Variants in WDR17 observed in about 807,000 individuals in gnomAD.
The protein encoded by WDR17 is WD repeat-containing protein 17.
WDR17 carries 143 observed loss-of-function variants against 161.7 expected under a neutral mutation model. The observed-to-expected ratio is 0.88, with a 90% CI of 0.77 to 1.02. The LOEUF is 1.02. Ranked by LOEUF, WDR17 falls within the 50% of genes least tolerant of loss-of-function variation. WDR17 has a pLI of 0.00. For missense variants in WDR17, 1,469 were observed against 1,520.9 expected (o/e 0.97, Z 0.57); for synonymous variants, 517 against 515.6 (o/e 1.00, Z -0.04).
chr4:176,172,613 T>G (rs1412108842), intron 24 of WDR17, 97 bp downstream of exon 24: 1 of 1,099,908 alleles, frequency 9.1e-7, no homozygotes, highest in Non-Finnish European at 1.3e-6. Flanking sequence ...TGCATTGCTA[T>G]AAAGAAATAC....
chr4:176,176,954 G>A, intron 26 of WDR17, 104 bp from the exon 27 acceptor site: 3 of 744,538 alleles, frequency 4.0e-6, no homozygotes, highest in East Asian at 5.4e-5. Context: ...TATAATGTCT[G>A]TATACAGAAA....
chr4:176,135,019 A>G (rs180934569), intron 7 of WDR17, 89 bp from the exon 8 acceptor site: 31 of 1,318,058 alleles, frequency 2.4e-5, no homozygotes, highest in Non-Finnish European at 2.1e-5. Context: ...AACCGTATAC[A>G]TGTGTCAATT....
At chr4:176,152,049 A>G in intron 17 of WDR17, 82 bp downstream of exon 17, 1 of 1,438,058 alleles carries the variant, frequency 7.0e-7, no homozygotes. Context: ...AAGTATTAAA[A>G]ATAAAAAGCT....
At chr4:176,139,834 A>G (rs1561164533) in intron 9 of WDR17, 58 bp from the exon 10 acceptor site, 14 of 1,370,748 alleles carry the variant, frequency 1.0e-5, no homozygotes, top group East Asian at 2.3e-5. Flanking sequence ...AAGTAAATAT[A>G]TAAGAGAAAA....
At chr4:176,110,884 C>G (rs1186438870) in intron 1 of WDR17, among the ~76,000 whole-genome samples, 3 of 152,196 alleles carry the variant, frequency 2.0e-5, no homozygotes, top group African/African-American at 4.8e-5. Flanking sequence ...ACTACGTTGT[C>G]TGCATCTCTG....
chr4:176,106,726 G>A (rs1212900720), intron 1 of WDR17, among the ~76,000 whole-genome samples: 3 of 152,214 alleles, frequency 2.0e-5, no homozygotes, highest in Non-Finnish European at 4.4e-5. Flanking sequence ...GGCTGAGGCA[G>A]GATGATCACT....
At chr4:176,175,279 A>T (rs1751273595) in intron 26 of WDR17, among the ~76,000 whole-genome samples, 1 of 152,230 alleles carries the variant, frequency 6.6e-6, no homozygotes, top group Non-Finnish European at 1.5e-5. Flanking sequence ...CTACAGCAGA[A>T]AAGGCAGAGT....
intron 12 of WDR17, among the ~76,000 whole-genome samples, chr4:176,146,542 C>T (rs561265280): frequency 1.6e-4 from 25 of 152,262 alleles, no homozygotes; most frequent in Non-Finnish European, 1.6e-4. Flanking sequence ...ACAGATGCTG[C>T]GCTGCAGCCT....
At chr4:176,167,060 A>G (rs923870681) in intron 22 of WDR17, among the ~76,000 whole-genome samples, 2 of 152,160 alleles carry the variant, frequency 1.3e-5, no homozygotes, top group Non-Finnish European at 2.9e-5. Context: ...ATAGTTTGTG[A>G]CGTGTGTGTA....
chr4:176,070,050 T>A (rs1380976134), intron 1 of WDR17, among the ~76,000 whole-genome samples: 2 of 152,200 alleles, frequency 1.3e-5, no homozygotes, highest in Non-Finnish European at 2.9e-5. Flanking sequence ...CTAACACCGT[T>A]ATTCTGTTAA....
chr4:176,108,677 T>C (rs1378528652), intron 1 of WDR17, among the ~76,000 whole-genome samples: 1 of 152,154 alleles, frequency 6.6e-6, no homozygotes, highest in Non-Finnish European at 1.5e-5. Context: ...GGGGAGGCTA[T>C]GAGGGGTATA....
intron 23 of WDR17, among the ~76,000 whole-genome samples, chr4:176,169,791 C>T (rs765670664): frequency 2.0e-5 from 3 of 152,078 alleles, no homozygotes; most frequent in African/African-American, 7.2e-5. Flanking sequence ...TGTTGAGACG[C>T]GGAAAATACT....
At chr4:176,066,483 G>T (rs187040847) in intron 1 of WDR17, among the ~76,000 whole-genome samples, 1 of 152,248 alleles carries the variant, frequency 6.6e-6, no homozygotes, top group African/African-American at 2.4e-5. Flanking sequence ...TATTAGTAGG[G>T]TTGTACTAAG....
In WDR17 at chr4:176,173,369, A is replaced by G; in HGVS notation, c.3347A>G (p.Glu1116Gly). 1 of 1,592,548 alleles carries G rather than the reference A, an allele frequency of 6.3e-7. No individual in the cohort carries two copies. The highest frequency in any genetic ancestry group is 8.6e-7 in the Non-Finnish European group (1 of 1,167,626). ...AAATTACTCTTGCATACGTGTACTGAGTGAGTATTTTTTCTGCAAAATATA... is the reference window on the plus strand; with the variant it reads ...AAATTACTCTTGCATACGTGTACTGGGTGAGTATTTTTTCTGCAAAATATA... Reference protein sequence around the residue: ...TEKLLLHTCTEARNELLILCG... With the variant: ...TEKLLLHTCTGARNELLILCG... The change falls in exon 25 of 29, where the codon GAA (glutamate) becomes GGA (glycine). Residue 1116 changes from glutamate to glycine, a missense_variant and splice_region_variant. Glu to Gly is a moderately conservative substitution (Grantham distance 98, BLOSUM62 -2). Transcript: ENST00000508596.
intron 1 of WDR17, among the ~76,000 whole-genome samples, chr4:176,077,634 G>C (rs1374362335): frequency 6.6e-6 from 1 of 151,704 alleles, no homozygotes; most frequent in Non-Finnish European, 1.5e-5. Flanking sequence ...TCAGTTGTAG[G>C]CAACAGAAAA....
At chr4:176,137,735 A>G (rs1008008712) in intron 9 of WDR17, 124 bp downstream of exon 9, 4 of 501,770 alleles carry the variant, frequency 8.0e-6, no homozygotes, top group East Asian at 4.0e-5. Context: ...TGTTCTCTCA[A>G]TTAGAAGAAA....
At chr4:176,148,403 G>C in intron 13 of WDR17, 68 bp downstream of exon 13, 1 of 1,379,140 alleles carries the variant, frequency 7.3e-7, no homozygotes. Context: ...TAACTTCTGA[G>C]GAATACAGTA....
intron 9 of WDR17, among the ~76,000 whole-genome samples, chr4:176,139,264 T>G (rs1325353175): frequency 6.6e-6 from 1 of 151,950 alleles, no homozygotes; most frequent in Non-Finnish European, 1.5e-5. Context: ...ATCACACCGT[T>G]GATGAATGAC....
Position 176,177,663 on chromosome 4 carries a change from T to TA in WDR17, c.3732+11dup. On this transcript the variant is annotated intron_variant, in intron 28 of 28. Coordinates refer to ENST00000508596, the MANE Select transcript of WDR17 (RefSeq NM_181265.4). ...CGGGATTAAAAATCCAGGTAAAGCC[T>TA]AACATCAGACATAACATGTGTATTT... The TA allele has an allele frequency of 1.3e-6, 2 of 1,578,580 alleles. No individual in the cohort carries two copies. The highest frequency in any genetic ancestry group is 1.7e-6 in the Non-Finnish European group (2 of 1,169,478).
Sources: gnomAD v4.1 joint callset for allele counts (sites outside exome capture counted in the v4.1 genomes callset) on GRCh38, gnomAD v4.1.1 for gene constraint, MANE v1.5 for transcripts, NCBI Gene and HGNC (gene_info 2026-07-23, HGNC 2026-07-21) for gene names.